PRKG1: variants seen among roughly 807,000 people sequenced by gnomAD.
PRKG1 encodes the protein cGMP-dependent protein kinase 1.
PRKG1 carries 35 observed loss-of-function variants against 88.1 expected under a neutral mutation model. The ratio of observed to expected loss-of-function variants is 0.40; its 90% CI spans 0.30 to 0.53. The LOEUF is 0.53. Ranked by LOEUF, PRKG1 falls within the 20% of genes least tolerant of loss-of-function variation. The pLI, the probability that PRKG1 is intolerant of heterozygous loss-of-function variation, is 0.59. For missense variants in PRKG1, 540 were observed against 839.8 expected, an observed-to-expected ratio of 0.64 and a Z score of 4.41; for synonymous variants, 303 against 292.5, an observed-to-expected ratio of 1.04 and a Z score of -0.37.
chr10:51,483,693 A>G (rs1427466093), intron 3 of PRKG1, among the ~76,000 whole-genome samples: 2 of 152,230 alleles, frequency 1.3e-5, no homozygotes, highest in Non-Finnish European at 2.9e-5. Flanking sequence ...TTGACTTCTT[A>G]GAAGCTAAAA....
At chr10:51,651,866 G>T (rs1235857394) in intron 3 of PRKG1, among the ~76,000 whole-genome samples, 1 of 152,134 alleles carries the variant, frequency 6.6e-6, no homozygotes, top group Non-Finnish European at 1.5e-5. Context: ...ACAGGTATGA[G>T]CCACCGTGCC....
At chr10:51,562,430 T>A (rs763497245) in intron 3 of PRKG1, among the ~76,000 whole-genome samples, 3 of 152,108 alleles carry the variant, frequency 2.0e-5, no homozygotes, top group Non-Finnish European at 4.4e-5. Flanking sequence ...TTACTCAAGA[T>A]TTCTAAGTGG....
Position 51,730,762 on chromosome 10 carries a change from C to T in PRKG1, c.593-73823C>T, listed in dbSNP as rs1377426811. Among the ~76,000 whole-genome samples, 5 of 152,274 alleles carry T rather than the reference C, an allele frequency of 3.3e-5. No homozygotes were observed. In the East Asian group the frequency reaches 9.7e-4, roughly 29 times the overall value. ...CCTTCCTGCAGCACTGCCTGGGAGG[C>T]AACATTTTTAAAGAGGGAAAATTAA... On this transcript the variant is annotated intron_variant, in intron 3 of 17. Transcript: ENST00000373980.
At chr10:51,192,209 A>T (rs184270620) in intron 2 of PRKG1, among the ~76,000 whole-genome samples, 2 of 152,026 alleles carry the variant, frequency 1.3e-5, no homozygotes, top group East Asian at 3.9e-4. Flanking sequence ...AATTATTTCT[A>T]TCAAGAAATA....
intron 1 of PRKG1, among the ~76,000 whole-genome samples, chr10:51,144,860 T>A (rs1400086043): frequency 1.3e-5 from 2 of 152,134 alleles, no homozygotes; most frequent in African/African-American, 4.8e-5. Flanking sequence ...AGTAGCCAAG[T>A]CACCATTATC....
At chr10:51,646,841 T>A (rs550636810) in intron 3 of PRKG1, among the ~76,000 whole-genome samples, 1 of 152,180 alleles carries the variant, frequency 6.6e-6, no homozygotes. Flanking sequence ...GGTGCCTAGA[T>A]GAAATTATTC....
chr10:52,209,227 A>G (rs1252182041), intron 9 of PRKG1, among the ~76,000 whole-genome samples: 2 of 152,200 alleles, frequency 1.3e-5, no homozygotes, highest in Non-Finnish European at 2.9e-5. Context: ...GTTGTAGTAC[A>G]GAAGCAGTCA....
At chr10:51,658,589 A>G (rs977058351) in intron 3 of PRKG1, among the ~76,000 whole-genome samples, 1 of 151,550 alleles carries the variant, frequency 6.6e-6, no homozygotes, top group Non-Finnish European at 1.5e-5. Flanking sequence ...AAAAAAAAAA[A>G]TTCATCTAAA....
intron 1 of PRKG1, among the ~76,000 whole-genome samples, chr10:51,092,374 G>A (rs1219448285): frequency 1.3e-5 from 2 of 152,178 alleles, no homozygotes; most frequent in Non-Finnish European, 2.9e-5. Flanking sequence ...TGATTTTAAA[G>A]GAAGAATTCT....
At chr10:51,036,004 G>A (rs1564577397) in intron 1 of PRKG1, among the ~76,000 whole-genome samples, 1 of 152,098 alleles carries the variant, frequency 6.6e-6, no homozygotes, top group Non-Finnish European at 1.5e-5. Flanking sequence ...TGAAACATAT[G>A]ATACAAGTTA....
chr10:51,356,831 T>G (rs948312084), intron 2 of PRKG1, among the ~76,000 whole-genome samples: 1 of 152,002 alleles, frequency 6.6e-6, no homozygotes, highest in Non-Finnish European at 1.5e-5. Flanking sequence ...TGACTCCCAT[T>G]GCACCATATA....
chr10:51,279,918 G>A (rs1487604429), intron 2 of PRKG1, among the ~76,000 whole-genome samples: 2 of 152,180 alleles, frequency 1.3e-5, no homozygotes, highest in Non-Finnish European at 2.9e-5. Context: ...CTGTCATTAT[G>A]ATGTTAGCTG....
intron 9 of PRKG1, among the ~76,000 whole-genome samples, chr10:52,228,432 T>C (rs1362535573): frequency 6.6e-6 from 1 of 152,150 alleles, no homozygotes; most frequent in Non-Finnish European, 1.5e-5. Context: ...AGAGAAAATC[T>C]TTTCACTTGG....
At chr10:51,825,138 G>A (rs1260809196) in intron 4 of PRKG1, among the ~76,000 whole-genome samples, 1 of 152,152 alleles carries the variant, frequency 6.6e-6, no homozygotes, top group Non-Finnish European at 1.5e-5. Context: ...ATAGGTCACT[G>A]TAGCCATAAT....
chr10:51,935,022 A>G (rs542571012), intron 5 of PRKG1, among the ~76,000 whole-genome samples: 1 of 152,234 alleles, frequency 6.6e-6, no homozygotes, highest in African/African-American at 2.4e-5. Flanking sequence ...GGTTCCGGCA[A>G]TGGGAACTGG....
intron 5 of PRKG1, among the ~76,000 whole-genome samples, chr10:51,955,619 A>C (rs968059178): frequency 3.3e-5 from 5 of 152,134 alleles, no homozygotes; most frequent in Non-Finnish European, 7.4e-5. Context: ...AATGTTGTCA[A>C]ATCCTTTTAG....
At chr10:52,272,602 C>A in intron 12 of PRKG1, 121 bp downstream of exon 12, 1 of 734,740 alleles carries the variant, frequency 1.4e-6, no homozygotes, top group South Asian at 1.7e-5. Context: ...GCTTATATTT[C>A]AATATTTAAA....
At chr10:52,153,429 A>G (rs1350589790) in intron 8 of PRKG1, among the ~76,000 whole-genome samples, 1 of 152,228 alleles carries the variant, frequency 6.6e-6, no homozygotes, top group South Asian at 2.1e-4. Flanking sequence ...TAACAAAACC[A>G]CAATTTATGA....
chr10:51,773,058 C>T (rs1838345687), intron 3 of PRKG1, among the ~76,000 whole-genome samples: 1 of 152,000 alleles, frequency 6.6e-6, no homozygotes, highest in Non-Finnish European at 1.5e-5. Flanking sequence ...TAATACATAA[C>T]TCAGTGGATT....
Sources: gnomAD v4.1 joint callset for allele counts (sites outside exome capture counted in the v4.1 genomes callset) on GRCh38, gnomAD v4.1.1 for gene constraint, MANE v1.5 for transcripts, NCBI Gene and HGNC (gene_info 2026-07-23, HGNC 2026-07-21) for gene names.